Variants in KICS2 observed in about 807,000 individuals in gnomAD.
The protein encoded by KICS2 is KICSTOR subunit 2, also known as KICSTOR complex protein C12orf66.
KICS2 carries 13 observed loss-of-function variants against 31.4 expected under a neutral mutation model. That is an observed-to-expected ratio of 0.41 (90% CI 0.27 to 0.66). KICS2 has a LOEUF of 0.66. KICS2 is among the 30% of genes least tolerant of loss of function. The pLI is 0.28. For missense variants in KICS2, 455 were observed against 545.4 expected, an observed-to-expected ratio of 0.83 and a Z score of 1.65; for synonymous variants, 209 against 214.8, an observed-to-expected ratio of 0.97 and a Z score of 0.24.
Position 64,191,624 on chromosome 12 carries a change from T to C in KICS2, c.*2218A>G, listed in dbSNP as rs2037379370. 1 of 152,242 alleles carries C rather than the reference T, an allele frequency of 6.6e-6. No individual in the cohort carries two copies. The highest frequency in any genetic ancestry group is 1.5e-5 in the Non-Finnish European group (1 of 68,042). 9.4% of individuals were successfully genotyped at this position (152,242 alleles called of 1,614,324 possible). A position where few individuals can be genotyped will look rare whatever the true frequency, so the allele number is the denominator to read the frequency against. ...AGAGAGGAAAAGTGATTTGACTTTT[T>C]AGCTCCAATTGCTTTCAATTTCTTA... On this transcript the variant is annotated 3_prime_UTR_variant, in exon 3 of 3. Transcript: ENST00000398055.
At position 64,194,651 on chromosome 12, in the gene KICS2, G is replaced by A. The variant is rs2037416035; in HGVS notation, c.529C>T (p.His177Tyr). ...IMKKYSSRFH[H>Y]PILSPLESSF... ...CTTTCCAAAGGACTGAGGATTGGGT[G>A]GTGAAATCTAAAGGGGAGAGGGAAA... Residue 177 changes from histidine to tyrosine, a missense_variant, in exon 3 of 3, where the codon CAC (histidine) becomes TAC (tyrosine). Coordinates refer to ENST00000398055, the MANE Select transcript of KICS2 (RefSeq NM_152440.5). 2 of 1,606,286 alleles carry A rather than the reference G, an allele frequency of 1.2e-6. No individual in the cohort carries two copies. The highest frequency in any genetic ancestry group is 1.7e-6 in the Non-Finnish European group (2 of 1,174,784).
At chr12:64,204,928 C>T (rs2136697330) in intron 2 of KICS2, 2 of 152,266 alleles carry the variant, frequency 1.3e-5, no homozygotes, top group East Asian at 3.9e-4. Flanking sequence ...TAAATGCACA[C>T]ATGCAAAACC....
intron 2 of KICS2, among the ~76,000 whole-genome samples, chr12:64,207,896 C>T (rs2037553005): frequency 6.6e-6 from 1 of 152,172 alleles, no homozygotes; most frequent in African/African-American, 2.4e-5. Flanking sequence ...GGAGCCTAAG[C>T]AGAGAGGTAG....
In KICS2 at chr12:64,191,965, G is replaced by A. The variant is rs2037382109; in HGVS notation, c.*1877C>T. 1 of 147,438 alleles carries A rather than the reference G, an allele frequency of 6.8e-6. No homozygotes were observed. Among genetic ancestry groups the A allele is most frequent in the Non-Finnish European group, 1.5e-5 (1 of 67,416 alleles). 9.1% of individuals were successfully genotyped at this position (147,438 alleles called of 1,614,324 possible). On this transcript the variant is annotated 3_prime_UTR_variant, in exon 3 of 3. Coordinates refer to ENST00000398055, the MANE Select transcript of KICS2 (RefSeq NM_152440.5). ...GGATGCTGATGTGGGAGGATCACTT[G>A]AGCCCAGGAGGTTGAGGCTGCAGTG...
At chr12:64,189,692 AG>A (rs1349034602), downstream of KICS2, among the ~76,000 whole-genome samples, 2 of 152,028 alleles carry the variant, frequency 1.3e-5, no homozygotes, top group Admixed American at 1.3e-4. Context: ...CACACACCAC[AG>A]ACAGTAAGCA....
At chr12:64,208,401 C>A (rs1292270957) in intron 2 of KICS2, among the ~76,000 whole-genome samples, 1 of 152,180 alleles carries the variant, frequency 6.6e-6, no homozygotes, top group African/African-American at 2.4e-5. Context: ...TAGGCTGGGG[C>A]ACTATCATGG....
chr12:64,215,359 G>T (rs966765787), intron 2 of KICS2, among the ~76,000 whole-genome samples: 3 of 151,954 alleles, frequency 2.0e-5, no homozygotes, highest in African/African-American at 7.3e-5. Context: ...CCAGAAAAAA[G>T]AAATTCCTAT....
In KICS2 at chr12:64,194,524, G is replaced by A. The variant is rs772154676; in HGVS notation, c.656C>T (p.Ala219Val). ...FLPSLVNLHSAHTKLQTWGQI... is the reference protein window; with the variant it reads ...FLPSLVNLHSVHTKLQTWGQI... ...GCCCCACGTCTGCAGTTTGGTGTGC[G>A]CACTGTGTAAATTAACCAGAGATGG... is the stretch of plus-strand genomic sequence containing the variant. Residue 219 changes from alanine to valine, a missense_variant, in exon 3 of 3, where the codon GCG (alanine) becomes GTG (valine). Ala to Val is a moderately conservative substitution (Grantham distance 64). Coordinates refer to ENST00000398055, the MANE Select transcript of KICS2 (RefSeq NM_152440.5). The A allele has an allele frequency of 2.2e-5, 36 of 1,614,004 alleles. No homozygotes were observed. Among genetic ancestry groups the A allele is most frequent in the South Asian group, 1.8e-4 (16 of 91,084 alleles).
At chr12:64,201,564 C>G (rs61931252) in intron 2 of KICS2, among the ~76,000 whole-genome samples, 2 of 126,046 alleles carry the variant, frequency 1.6e-5, no homozygotes, top group Admixed American at 8.6e-5. Flanking sequence ...ATGTAACTAA[C>G]CTGCACAATG....
At chr12:64,195,192 G>T (rs1254274333) in intron 2 of KICS2, among the ~76,000 whole-genome samples, 1 of 152,204 alleles carries the variant, frequency 6.6e-6, no homozygotes, top group Non-Finnish European at 1.5e-5. Context: ...TGGGATTACA[G>T]GTGTGGGCCA....
Position 64,193,863 on chromosome 12 carries a change from C to T in KICS2, c.1317G>A (p.Leu439=), listed in dbSNP as rs1429540622. ...ALKNPKVFAS[L]KPGAKG ...CCTGCTAACCTTTGGCTCCAGGTTT[C>T]AGACTTGCAAACACTTTGGGGTTCT... The change falls in exon 3 of 3, where the codon CTG becomes CTA. Residue 439 remains leucine (L), a synonymous_variant. Coordinates refer to ENST00000398055, the MANE Select transcript of KICS2 (RefSeq NM_152440.5). 4 of 1,613,188 alleles carry T rather than the reference C, an allele frequency of 2.5e-6. No individual in the cohort carries two copies. Among genetic ancestry groups the T allele is most frequent in the Non-Finnish European group, 3.4e-6 (4 of 1,179,594 alleles).
At chr12:64,195,867 C>G (rs1356209494) in intron 2 of KICS2, among the ~76,000 whole-genome samples, 1 of 152,252 alleles carries the variant, frequency 6.6e-6, no homozygotes, top group African/African-American at 2.4e-5. Flanking sequence ...CGGGTCACTC[C>G]CACCCGAATA....
chr12:64,201,761 T>C (rs2037492390), intron 2 of KICS2, among the ~76,000 whole-genome samples: 1 of 148,262 alleles, frequency 6.7e-6, no homozygotes, highest in South Asian at 2.1e-4. Flanking sequence ...GAGAATTGCT[T>C]GAACCTGGGG....
chr12:64,208,528 A>G lies in KICS2; in HGVS notation c.521+7150T>C, dbSNP rs1461603334. On this transcript the variant is annotated intron_variant, in intron 2 of 2. Transcript: ENST00000398055. ...TTGCTTGTGAAATTTTCACTGAGCA[A>G]TAATTAACCTTGTTAACTATACACA... 3.9e-5 allele frequency among the ~76,000 whole-genome samples: 6 copies of G among 152,214 alleles called. No homozygotes were observed. In the East Asian group the frequency reaches 9.6e-4, roughly 24 times the overall value.
At position 64,222,192 on chromosome 12, in the gene KICS2, C is replaced by A; in HGVS notation, c.46G>T (p.Ala16Ser). ...TGAGAGAAGAACGTCTCCAGCACCGCCTGTTCCACCGGGACCGGGGCGGCC... is the reference window on the plus strand; with the variant it reads ...TGAGAGAAGAACGTCTCCAGCACCGACTGTTCCACCGGGACCGGGGCGGCC... ...PLAAPVPVEQ[A>S]VLETFFSHLG... The change falls in exon 1 of 3, where the codon GCG (alanine) becomes TCG (serine). Residue 16 changes from alanine (A) to serine (S), a missense_variant. Transcript: ENST00000398055. The A allele has an allele frequency of 6.2e-7, 1 of 1,614,090 alleles. No homozygotes were observed. The highest frequency in any genetic ancestry group is 1.1e-5 in the South Asian group (1 of 91,076).
In KICS2 at chr12:64,222,090, T is replaced by G; in HGVS notation, c.148A>C (p.Ser50Arg). ...AAGGCCGCCAGCAGCGACAGCCAGC[T>G]GCCCCCCGCGCTCTTGTTGGCCTCT... ...EREANKSAGG[S>R]WLSLLAALAH... Residue 50 changes from serine (S) to arginine (R), a missense_variant, in exon 1 of 3, where the codon AGC becomes CGC. Coordinates refer to ENST00000398055, the MANE Select transcript of KICS2 (RefSeq NM_152440.5). 3 of 1,614,022 alleles carry G rather than the reference T, an allele frequency of 1.9e-6. No homozygotes were observed. Among genetic ancestry groups the G allele is most frequent in the Non-Finnish European group, 2.5e-6 (3 of 1,179,952 alleles).
chr12:64,186,438 T>C (rs1024233964), downstream of KICS2: 10 of 152,160 alleles, frequency 6.6e-5, no homozygotes, highest in African/African-American at 1.7e-4. Context: ...AATCAAACAA[T>C]ATTTCCAACT....
At position 64,194,430 on chromosome 12, in the gene KICS2, C is replaced by G. The variant is rs202008538; in HGVS notation, c.750G>C (p.Gln250His). The G allele has an allele frequency of 2.6e-5, 42 of 1,614,194 alleles. No individual in the cohort carries two copies. The African/African-American group carries it at 4.4e-4, about 17-fold the overall frequency. Residue 250 changes from glutamine (Q) to histidine (H), a missense_variant, in exon 3 of 3, where the codon CAG becomes CAC. By Grantham distance (24) the Gln-to-His change is conservative. Transcript: ENST00000398055. ...TCAGCCAAAGGAAAAGGTGTGGAGGCTGCACGGCCTTCTGAGACTGCCCTC... is the reference window on the plus strand; with the variant it reads ...TCAGCCAAAGGAAAAGGTGTGGAGGGTGCACGGCCTTCTGAGACTGCCCTC... ...LFGGQSQKAVQPPHLFLWLMK... is the reference protein window; with the variant it reads ...LFGGQSQKAVHPPHLFLWLMK...
Position 64,193,718 on chromosome 12 carries a change from T to C in KICS2, c.*124A>G, listed in dbSNP as rs2037403334. ...ATAAAGTGTGCAACACAGGGAGGAT[T>C]TGTCTTTAATTTAGTTCTGAAAGAG... is the stretch of plus-strand genomic sequence containing the variant. On this transcript the variant is annotated 3_prime_UTR_variant, in exon 3 of 3. Transcript: ENST00000398055. 2.1e-6 allele frequency: 3 copies of C among 1,445,058 alleles called. No homozygotes were observed. The highest frequency in any genetic ancestry group is 2.8e-5 in the Admixed American group (1 of 35,394). The allele number at this position is 1,445,058 out of a possible 1,614,324, so 89.5% of individuals were successfully genotyped here. A position where few individuals can be genotyped will look rare whatever the true frequency, so the allele number is the denominator to read the frequency against.
Sources: allele counts gnomAD v4.1 joint callset (sites outside exome capture counted in the v4.1 genomes callset), GRCh38; gene constraint gnomAD v4.1.1; transcripts MANE v1.5; gene names NCBI Gene and HGNC (gene_info 2026-07-23, HGNC 2026-07-21).